STPG2: variants seen among roughly 807,000 people sequenced by gnomAD.
The protein encoded by STPG2 is sperm tail PG-rich repeat containing 2, also known as sperm-tail PG-rich repeat-containing protein 2.
Under a neutral mutation model 54.2 loss-of-function variants are expected in STPG2, and 56 were observed. The observed-to-expected ratio is 1.03, with a 90% CI of 0.83 to 1.29. The LOEUF (loss-of-function observed/expected upper bound fraction) is 1.29, where lower values mean the gene tolerates loss of function less well. Among genes scored for constraint, STPG2 ranks in the 50% most tolerant of loss-of-function variants. STPG2 has a pLI of 0.00. For synonymous variants in STPG2, 200 were observed against 181.8 expected (o/e 1.10, Z -0.81); for missense variants, 596 against 544.9 (o/e 1.09, Z -0.93).
At chr4:97,933,769 TGTA>T (rs1732639510) in intron 8 of STPG2, among the ~76,000 whole-genome samples, 2 of 152,204 alleles carry the variant, frequency 1.3e-5, no homozygotes, top group South Asian at 4.1e-4. Flanking sequence ...ACTGTAGCCT[TGTA>T]GTGTGGTTTG....
intron 10 of STPG2, among the ~76,000 whole-genome samples, chr4:97,593,786 C>T (rs1232326694): frequency 6.6e-6 from 1 of 152,178 alleles, no homozygotes; most frequent in Non-Finnish European, 1.5e-5. Context: ...TACAAGAACA[C>T]CTCAGCCCCT....
chr4:97,725,787 A>G (rs1724604386), intron 9 of STPG2, among the ~76,000 whole-genome samples: 2 of 151,928 alleles, frequency 1.3e-5, no homozygotes, highest in Non-Finnish European at 2.9e-5. Context: ...AAAGGACACT[A>G]TAAAACATAA....
At chr4:98,005,553 G>A (rs1325652760) in intron 5 of STPG2, among the ~76,000 whole-genome samples, 1 of 152,138 alleles carries the variant, frequency 6.6e-6, no homozygotes, top group Non-Finnish European at 1.5e-5. Context: ...TTATGTTGAA[G>A]TACATTCCTT....
chr4:97,567,436 TTA>T (rs544777316), intron 10 of STPG2, among the ~76,000 whole-genome samples: 2 of 148,812 alleles, frequency 1.3e-5, no homozygotes, highest in African/African-American at 4.9e-5. Flanking sequence ...ATATATAATT[TTA>T]TATATATATG....
At chr4:97,738,274 C>A (rs933681418) in intron 9 of STPG2, among the ~76,000 whole-genome samples, 1 of 152,108 alleles carries the variant, frequency 6.6e-6, no homozygotes, top group Non-Finnish European at 1.5e-5. Context: ...ATTGTAAAGA[C>A]CATCGAGGCT....
In STPG2 at chr4:97,981,255, G is replaced by C; in HGVS notation, c.676C>G (p.Leu226Val). ...PGTYNEPRTA[L>V]KSLKKTSGLK... Reference sequence around the variant, plus strand: ...CCTGATGTTTTCTTCAAAGACTTGAGAGCAGTTCGAGGTTCATTATATGTG... The same window carrying C: ...CCTGATGTTTTCTTCAAAGACTTGACAGCAGTTCGAGGTTCATTATATGTG... Residue 226 changes from leucine (L) to valine (V), a missense_variant, in exon 6 of 11, where the codon CTC (leucine) becomes GTC (valine). Physicochemically the swap from Leu to Val is conservative, Grantham distance 32. Coordinates refer to ENST00000295268, the MANE Select transcript of STPG2 (RefSeq NM_174952.3). The C allele has an allele frequency of 6.2e-7, 1 of 1,614,002 alleles. No homozygotes were observed.
chr4:98,052,858 G>A (rs1247675263), intron 5 of STPG2, among the ~76,000 whole-genome samples: 3 of 152,150 alleles, frequency 2.0e-5, no homozygotes, highest in Non-Finnish European at 2.9e-5. Flanking sequence ...AAGATAGCTA[G>A]TAACAACCAC....
At chr4:97,456,577 A>G (rs1011309570) in intron 4 of STPG2, among the ~76,000 whole-genome samples, 3 of 152,090 alleles carry the variant, frequency 2.0e-5, no homozygotes, top group East Asian at 1.9e-4. Context: ...ATATACAAAG[A>G]AGTCTTAAAA....
chr4:97,878,470 T>G (rs1730256263), intron 8 of STPG2, among the ~76,000 whole-genome samples: 1 of 151,994 alleles, frequency 6.6e-6, no homozygotes, highest in South Asian at 2.1e-4. Flanking sequence ...ACCTTAATTC[T>G]TGCCCCTTTT....
At chr4:97,980,124 G>A (rs964964464) in intron 6 of STPG2, among the ~76,000 whole-genome samples, 1 of 152,008 alleles carries the variant, frequency 6.6e-6, no homozygotes, top group African/African-American at 2.4e-5. Context: ...GTTGGAGGCT[G>A]CAGTGAACTA....
At chr4:97,794,000 G>C (rs1051348403) in intron 9 of STPG2, among the ~76,000 whole-genome samples, 15 of 151,978 alleles carry the variant, frequency 9.9e-5, no homozygotes, top group Admixed American at 9.2e-4. Flanking sequence ...TGCATGGCTT[G>C]GAGGTTGTTG....
intron 4 of STPG2, among the ~76,000 whole-genome samples, chr4:97,444,682 A>C (rs1350968245): frequency 6.6e-6 from 1 of 152,202 alleles, no homozygotes; most frequent in Non-Finnish European, 1.5e-5. Flanking sequence ...CAGAAATGAA[A>C]GAAGGAAAGA....
intron 10 of STPG2, among the ~76,000 whole-genome samples, chr4:97,586,444 G>A (rs1265868017): frequency 9.2e-5 from 14 of 151,852 alleles, no homozygotes; most frequent in South Asian, 2.1e-4. Flanking sequence ...AAAATTTGAT[G>A]GAAGACACAT....
At chr4:97,575,665 A>G (rs2148886888) in intron 10 of STPG2, among the ~76,000 whole-genome samples, 1 of 152,282 alleles carries the variant, frequency 6.6e-6, no homozygotes, top group South Asian at 2.1e-4. Context: ...AACATAGTAA[A>G]CATGCAAAAG....
intron 10 of STPG2, among the ~76,000 whole-genome samples, chr4:97,692,925 G>T (rs536274862): frequency 6.6e-6 from 1 of 152,088 alleles, no homozygotes; most frequent in Non-Finnish European, 1.5e-5. Context: ...TATCAGCCAA[G>T]AATTTTGTAT....
chr4:97,541,395 T>A (rs2148861846), intron 4 of STPG2, among the ~76,000 whole-genome samples: 1 of 152,202 alleles, frequency 6.6e-6, no homozygotes, highest in East Asian at 1.9e-4. Context: ...ATAAAATACC[T>A]AGGAATCCAA....
At chr4:98,109,856 G>A (rs937340846) in intron 3 of STPG2, among the ~76,000 whole-genome samples, 2 of 151,956 alleles carry the variant, frequency 1.3e-5, no homozygotes, top group African/African-American at 4.8e-5. Context: ...TAATGACAGA[G>A]AAATTATTTG....
At chr4:97,934,183 G>T (rs1465790456) in intron 8 of STPG2, among the ~76,000 whole-genome samples, 1 of 152,110 alleles carries the variant, frequency 6.6e-6, no homozygotes, top group Non-Finnish European at 1.5e-5. Context: ...TGGTGTATAG[G>T]AATACTTGTG....
intron 9 of STPG2, among the ~76,000 whole-genome samples, chr4:97,741,910 C>A (rs900036083): frequency 6.6e-6 from 1 of 152,102 alleles, no homozygotes; most frequent in Non-Finnish European, 1.5e-5. Context: ...AAGACACATG[C>A]ACACGTATGT....
Sources: allele counts gnomAD v4.1 joint callset (sites outside exome capture counted in the v4.1 genomes callset), GRCh38; gene constraint gnomAD v4.1.1; transcripts MANE v1.5; gene names NCBI Gene and HGNC (gene_info 2026-07-23, HGNC 2026-07-21).